The following USP34 variants were observed in gnomAD, a reference collection of about 807,000 sequenced individuals.
The protein encoded by USP34 is ubiquitin carboxyl-terminal hydrolase 34.
A neutral mutation model predicts 460.3 loss-of-function variants in USP34; 70 were observed. The ratio of observed to expected loss-of-function variants is 0.15; its 90% CI spans 0.13 to 0.19. The LOEUF is 0.19. USP34 is among the 10% of genes least tolerant of loss of function. The pLI is 1.00. For missense variants in USP34, 3,985 were observed against 4,236.2 expected (o/e 0.94, Z 1.65); for synonymous variants, 1,647 against 1,405.3 (o/e 1.17, Z -3.85).
At chr2:61,231,001 T>C (rs1333288512) in intron 58 of USP34, among the ~76,000 whole-genome samples, 5 of 152,106 alleles carry the variant, frequency 3.3e-5, no homozygotes, top group African/African-American at 1.2e-4. Flanking sequence ...TCTCAAATAT[T>C]CAGCTGATGA....
Position 61,248,520 on chromosome 2 carries a change from TCTCA to T in USP34, c.6381_6384del (p.Ser2127ArgfsTer23). The T allele has an allele frequency of 6.4e-7, 1 of 1,559,368 alleles. No homozygotes were observed. The highest frequency in any genetic ancestry group is 8.7e-7 in the Non-Finnish European group (1 of 1,148,588). ...GAAATGAAAAAATCACCTTCTTTCCTCTCACTCTTTCCCATAAGAAAATCTTCTG... is the reference window on the plus strand; with the variant it reads ...GAAATGAAAAAATCACCTTCTTTCCTCTCTTTCCCATAAGAAAATCTTCTG... On this transcript the variant is annotated frameshift_variant, in exon 49 of 80. Coordinates refer to ENST00000398571, the MANE Select transcript of USP34 (RefSeq NM_014709.4). LOFTEE classifies it high-confidence loss of function.
intron 15 of USP34, among the ~76,000 whole-genome samples, chr2:61,344,906 C>T (rs1201666716): frequency 6.6e-6 from 1 of 152,014 alleles, no homozygotes; most frequent in Non-Finnish European, 1.5e-5. Flanking sequence ...AGATAAGGCT[C>T]AGTATAGTGG....
intron 18 of USP34, among the ~76,000 whole-genome samples, chr2:61,337,578 C>T (rs542452836): frequency 2.0e-4 from 30 of 152,250 alleles, no homozygotes; most frequent in Non-Finnish European, 1.5e-5. Context: ...CCTCAGCCTC[C>T]CAAGTAGCTG....
intron 1 of USP34, among the ~76,000 whole-genome samples, chr2:61,457,680 T>C (rs192466731): frequency 1.8e-4 from 27 of 152,194 alleles, no homozygotes; most frequent in South Asian, 1.0e-3. Flanking sequence ...TTGGGAAATA[T>C]AGTGAAACCC....
chr2:61,457,458 C>A (rs1041224867), intron 1 of USP34, among the ~76,000 whole-genome samples: 4 of 152,206 alleles, frequency 2.6e-5, no homozygotes, highest in African/African-American at 9.6e-5. Context: ...AAGAAAAACT[C>A]TGTTTCTGCC....
intron 70 of USP34, chr2:61,207,426 C>T (rs1450173606): frequency 6.5e-6 from 1 of 152,882 alleles, no homozygotes; most frequent in East Asian, 1.9e-4. Flanking sequence ...TTTTACTATA[C>T]AGCACCCTTC....
At chr2:61,431,229 T>C (rs991786138) in intron 1 of USP34, among the ~76,000 whole-genome samples, 9 of 152,114 alleles carry the variant, frequency 5.9e-5, no homozygotes, top group African/African-American at 2.2e-4. Context: ...TTATCAGGTT[T>C]TTGTTTGTTT....
intron 16 of USP34, among the ~76,000 whole-genome samples, chr2:61,340,169 T>C (rs1691546298): frequency 6.6e-6 from 1 of 151,940 alleles, no homozygotes; most frequent in Admixed American, 6.6e-5. Context: ...GACATACCTC[T>C]AAATGACCTA....
intron 1 of USP34, among the ~76,000 whole-genome samples, chr2:61,465,996 T>G (rs1055949344): frequency 4.7e-5 from 7 of 150,072 alleles, no homozygotes; most frequent in African/African-American, 1.7e-4. Context: ...TAAAATAAAA[T>G]AAACAAAAAC....
intron 57 of USP34, among the ~76,000 whole-genome samples, chr2:61,235,405 A>G: frequency 6.7e-6 from 1 of 150,258 alleles, no homozygotes; most frequent in Non-Finnish European, 1.5e-5. Flanking sequence ...AGCTCACTAC[A>G]ACCTCTGCCT....
intron 41 of USP34, among the ~76,000 whole-genome samples, chr2:61,268,211 G>C (rs1329907153): frequency 6.6e-6 from 1 of 151,992 alleles, no homozygotes; most frequent in Non-Finnish European, 1.5e-5. Flanking sequence ...TGTTGTCTTA[G>C]TCTGTTTAGG....
Position 61,414,279 on chromosome 2 carries a change from A to AG in USP34, c.131+6466_131+6467insC, listed in dbSNP as rs963850602. 9.9e-5 allele frequency among the ~76,000 whole-genome samples: 15 copies of AG among 151,914 alleles called. No individual in the cohort carries two copies. The South Asian group carries it at 2.9e-3, about 30-fold the overall frequency. On this transcript the variant is annotated intron_variant, in intron 2 of 79. Coordinates refer to ENST00000398571, the MANE Select transcript of USP34 (RefSeq NM_014709.4). ...ATAAATAAATAAATAACTTTAAAAA[A>AG]AAAAAGAGTATGAAGGAAAAGCACA...
At chr2:61,313,495 C>T (rs762465757) in intron 25 of USP34, among the ~76,000 whole-genome samples, 1 of 152,078 alleles carries the variant, frequency 6.6e-6, no homozygotes, top group Non-Finnish European at 1.5e-5. Flanking sequence ...AGTATCTCCA[C>T]GAGGAAGACA....
chr2:61,401,887 G>GA (rs1283187640), intron 3 of USP34, among the ~76,000 whole-genome samples: 1 of 150,630 alleles, frequency 6.6e-6, no homozygotes, highest in Non-Finnish European at 1.5e-5. Context: ...CCTATACTTA[G>GA]AAAAAAACTT....
chr2:61,451,952 G>A (rs1234222496), intron 1 of USP34, among the ~76,000 whole-genome samples: 2 of 151,866 alleles, frequency 1.3e-5, no homozygotes, highest in Non-Finnish European at 2.9e-5. Flanking sequence ...GAGGCGGGCG[G>A]ATCACGAGGT....
At position 61,387,874 on chromosome 2, in the gene USP34, T is replaced by C. The variant is rs573961770; in HGVS notation, c.754-4538A>G. On this transcript the variant is annotated intron_variant, in intron 5 of 79. Coordinates refer to ENST00000398571, the MANE Select transcript of USP34 (RefSeq NM_014709.4). ...ATGTAAAAATATATATTTTTACGTA[T>C]ACGCATATGTAAAAATATATTTTTA... Among the ~76,000 whole-genome samples, 290 of 150,032 alleles carry C rather than the reference T, an allele frequency of 1.9e-3. 1 individual carries two copies. Among genetic ancestry groups the C allele is most frequent in the African/African-American group, 6.9e-3 (284 of 41,070 alleles).
Position 61,226,905 on chromosome 2 carries a change from G to A in USP34, c.7595+162C>T, listed in dbSNP as rs896198657. ...CTTATGCCACAAGAGTTGATGAATA[G>A]TAGTATTATTTAAAAGGATTTATAT... On this transcript the variant is annotated intron_variant, in intron 62 of 79. Coordinates refer to ENST00000398571, the MANE Select transcript of USP34 (RefSeq NM_014709.4). 1.2e-5 allele frequency: 10 copies of A among 852,210 alleles called. No individual in the cohort carries two copies. In the African/African-American group the frequency reaches 1.8e-4, roughly 15 times the overall value. 52.8% of individuals were successfully genotyped at this position (852,210 alleles called of 1,614,324 possible). A position where few individuals can be genotyped will look rare whatever the true frequency, so the allele number is the denominator to read the frequency against.
chr2:61,449,214 G>A (rs1221789962), intron 1 of USP34, among the ~76,000 whole-genome samples: 1 of 150,026 alleles, frequency 6.7e-6, no homozygotes, highest in Non-Finnish European at 1.5e-5. Flanking sequence ...CAGAAGTCAT[G>A]CCACTGTACT....
intron 27 of USP34, among the ~76,000 whole-genome samples, chr2:61,303,979 C>T (rs1051260444): frequency 1.3e-5 from 2 of 152,110 alleles, no homozygotes; most frequent in African/African-American, 4.8e-5. Context: ...CTCACTAACA[C>T]CTCCACCTCC....
Sources: gnomAD v4.1 joint callset for allele counts (sites outside exome capture counted in the v4.1 genomes callset) on GRCh38, gnomAD v4.1.1 for gene constraint, MANE v1.5 for transcripts, NCBI Gene and HGNC (gene_info 2026-07-23, HGNC 2026-07-21) for gene names.